The following GALNT6 variants were observed in gnomAD, a reference collection of about 807,000 sequenced individuals.
The protein encoded by GALNT6 is polypeptide N-acetylgalactosaminyltransferase 6, also known as GalNAc transferase 6.
A neutral mutation model predicts 65.9 loss-of-function variants in GALNT6; 51 were observed. That is an observed-to-expected ratio of 0.77 (90% CI 0.62 to 0.98). The LOEUF (loss-of-function observed/expected upper bound fraction) is 0.98, where lower values mean the gene tolerates loss of function less well. Among genes scored for constraint, GALNT6 ranks in the 50% least tolerant of loss-of-function variants. The pLI, the probability that GALNT6 is intolerant of heterozygous loss-of-function variation, is 0.00. For missense variants in GALNT6, 708 were observed against 803.3 expected (o/e 0.88, Z 1.43); for synonymous variants, 323 against 315.1 (o/e 1.02, Z -0.26).
rs192668425 is a variant in GALNT6, at chr12:51,381,175, G to C, written c.-103-1291C>G. Among the ~76,000 whole-genome samples, 910 of 152,346 alleles carry C rather than the reference G, an allele frequency of 6.0e-3. 13 individuals are homozygous for C. The highest frequency in any genetic ancestry group is 0.01 in the Non-Finnish European group (691 of 68,044). On this transcript the variant is annotated intron_variant, in intron 2 of 11. Coordinates refer to ENST00000356317, the MANE Select transcript of GALNT6 (RefSeq NM_007210.4). ...GGACTGCTGGAGCCCAGGAGGTTAA[G>C]GCTGCAGTGAGCTATAATCGCACCA...
intron 4 of GALNT6, among the ~76,000 whole-genome samples, chr12:51,371,914 G>A (rs1381042268): frequency 2.6e-5 from 4 of 152,150 alleles, no homozygotes; most frequent in African/African-American, 9.7e-5. Context: ...TCAAACGTGT[G>A]GGAAATTTTA....
At chr12:51,355,186 G>T (rs1946709126) in intron 11 of GALNT6, among the ~76,000 whole-genome samples, 1 of 152,168 alleles carries the variant, frequency 6.6e-6, no homozygotes, top group Admixed American at 6.5e-5. Flanking sequence ...CTAGCTTTGA[G>T]CCTAGGACAC....
At chr12:51,390,402 G>A (rs1056383086) in intron 2 of GALNT6, among the ~76,000 whole-genome samples, 3 of 152,058 alleles carry the variant, frequency 2.0e-5, no homozygotes, top group Non-Finnish European at 4.4e-5. Flanking sequence ...GATCTCAGGT[G>A]ATGCACCAGC....
rs1251142450 is a variant in GALNT6 at position 51,353,242 on chromosome 12, TG to T, written c.*1136del. 1 of 152,370 alleles carries T rather than the reference TG, an allele frequency of 6.6e-6. No individual in the cohort carries two copies. Among genetic ancestry groups the T allele is most frequent in the East Asian group, 1.9e-4 (1 of 5,186 alleles). The allele number at this position is 152,370 out of a possible 1,614,324, so 9.4% of individuals were successfully genotyped here. A position where few individuals can be genotyped will look rare whatever the true frequency, so the allele number is the denominator to read the frequency against. On this transcript the variant is annotated 3_prime_UTR_variant, in exon 12 of 12. Transcript: ENST00000356317. ...TGTCCTGTCTTTCTCACAGGATTAC[TG>T]TACAGATAAAGTAAGATAAAGGACA...
rs773538462 is a variant in GALNT6 at position 51,357,459 on chromosome 12, G to GAGA, written c.1501-10_1501-9insTCT. The GAGA allele has an allele frequency of 6.6e-5, 106 of 1,602,146 alleles. 1 individual carries two copies. The South Asian group carries it at 1.0e-3, about 16-fold the overall frequency. ...GTGCCGAGGTTCTTGATCTGCAGAA[G>GAGA]GGTGAGCAGAGAGGGGAAGCAGGAT... On this transcript the variant is annotated splice_polypyrimidine_tract_variant and intron_variant, in intron 9 of 11. Transcript: ENST00000356317.
chr12:51,362,380 T>C (rs1333652617), intron 6 of GALNT6, among the ~76,000 whole-genome samples: 3 of 152,086 alleles, frequency 2.0e-5, no homozygotes, highest in African/African-American at 7.2e-5. Flanking sequence ...CCTCTTAGGC[T>C]CTGGTTGGCT....
At chr12:51,384,688 T>G (rs1462842008) in intron 2 of GALNT6, among the ~76,000 whole-genome samples, 2 of 56,164 alleles carry the variant, frequency 3.6e-5, no homozygotes, top group Non-Finnish European at 4.2e-5. Context: ...CAAGACTCTG[T>G]CTCAAAAAAA....
At chr12:51,374,816 C>T (rs957327160) in intron 4 of GALNT6, among the ~76,000 whole-genome samples, 3 of 152,202 alleles carry the variant, frequency 2.0e-5, no homozygotes, top group African/African-American at 7.2e-5. Flanking sequence ...ACTGTGAGTC[C>T]TCTGCCTCTC....
chr12:51,354,336 C>A lies in GALNT6; in HGVS notation c.*43G>T. On this transcript the variant is annotated 3_prime_UTR_variant, in exon 12 of 12. Transcript: ENST00000356317. ...TTCCCAGACATCAGCAATCCTGTTT[C>A]CTGAGGAGCTTGTGGGGGCTCTCTC... The A allele has an allele frequency of 1.8e-6, 2 of 1,084,688 alleles. No homozygotes were observed. Among genetic ancestry groups the A allele is most frequent in the Non-Finnish European group, 2.7e-6 (2 of 751,156 alleles). The allele number at this position is 1,084,688 out of a possible 1,614,324, so 67.2% of individuals were successfully genotyped here. A position where few individuals can be genotyped will look rare whatever the true frequency, so the allele number is the denominator to read the frequency against.
chr12:51,367,206 G>A (rs1189056381), intron 4 of GALNT6, among the ~76,000 whole-genome samples: 1 of 152,100 alleles, frequency 6.6e-6, no homozygotes, highest in African/African-American at 2.4e-5. Context: ...GCAGTGAGCC[G>A]AGATTGCACC....
At chr12:51,367,085 GA>G (rs1284718039) in intron 4 of GALNT6, among the ~76,000 whole-genome samples, 8 of 152,144 alleles carry the variant, frequency 5.3e-5, no homozygotes, top group Non-Finnish European at 1.5e-5. Flanking sequence ...CCAACATGGA[GA>G]AACCCTGTCT....
chr12:51,367,079 C>G (rs1040413726), intron 4 of GALNT6, among the ~76,000 whole-genome samples: 9 of 152,098 alleles, frequency 5.9e-5, no homozygotes, highest in African/African-American at 1.9e-4. Context: ...GCCTGACCAA[C>G]ATGGAGAAAC....
At chr12:51,363,009 G>A (rs1311291186) in intron 6 of GALNT6, among the ~76,000 whole-genome samples, 1 of 152,110 alleles carries the variant, frequency 6.6e-6, no homozygotes, top group East Asian at 1.9e-4. Flanking sequence ...GGCATGGACA[G>A]CATTTTTTAG....
intron 5 of GALNT6, among the ~76,000 whole-genome samples, chr12:51,365,183 C>T (rs1030010206): frequency 2.0e-5 from 3 of 152,120 alleles, no homozygotes; most frequent in Non-Finnish European, 4.4e-5. Flanking sequence ...TCCGGGGCCC[C>T]GGTGATCACT....
chr12:51,371,605 C>T (rs1947297075), intron 4 of GALNT6, among the ~76,000 whole-genome samples: 1 of 151,926 alleles, frequency 6.6e-6, no homozygotes, highest in Non-Finnish European at 1.5e-5. Flanking sequence ...TTTTTTTTCC[C>T]TCTAATTTAG....
chr12:51,362,479 G>A (rs1034016273), intron 6 of GALNT6, among the ~76,000 whole-genome samples: 11 of 152,094 alleles, frequency 7.2e-5, no homozygotes, highest in Admixed American at 2.0e-4. Flanking sequence ...GCATGCTACC[G>A]GGGCATGTGG....
Position 51,364,166 on chromosome 12 carries a change from G to A in GALNT6, c.1004C>T (p.Pro335Leu). 4 of 1,614,178 alleles carry A rather than the reference G, an allele frequency of 2.5e-6. No homozygotes were observed. The highest frequency in any genetic ancestry group is 3.4e-6 in the Non-Finnish European group (4 of 1,180,020). The change falls in exon 6 of 12, where the codon CCT becomes CTT. Residue 335 changes from proline (P) to leucine (L), a missense_variant. Physicochemically the swap from Pro to Leu is moderately conservative, Grantham distance 98. Transcript: ENST00000356317. ...WSLTFGWETL[P>L]PHEKQRRKDE... ...CTTGCGCCTCTGCTTCTCATGTGGA[G>A]GAAGTGTTTCCCAGCCGAAGGTCAG...
At chr12:51,379,985 C>T (rs1226958290) in intron 2 of GALNT6, 101 bp from the exon 3 acceptor site, 2 of 587,718 alleles carry the variant, frequency 3.4e-6, no homozygotes, top group Non-Finnish European at 6.0e-6. Flanking sequence ...TGAGTGGTGG[C>T]ATCACCTTAT....
At chr12:51,383,070 A>G (rs1947722620) in intron 2 of GALNT6, among the ~76,000 whole-genome samples, 1 of 152,370 alleles carries the variant, frequency 6.6e-6, no homozygotes, top group South Asian at 2.1e-4. Flanking sequence ...TCAAAAATGA[A>G]TAAAATTAAA....
Sources: allele counts gnomAD v4.1 joint callset (sites outside exome capture counted in the v4.1 genomes callset), GRCh38; gene constraint gnomAD v4.1.1; transcripts MANE v1.5; gene names NCBI Gene and HGNC (gene_info 2026-07-23, HGNC 2026-07-21).